The following PSD3 variants were observed in gnomAD, a reference collection of about 807,000 sequenced individuals.
PSD3 encodes the protein PH and SEC7 domain-containing protein 3.
A neutral mutation model predicts 105.5 loss-of-function variants in PSD3; 49 were observed. The ratio of observed to expected loss-of-function variants is 0.46; its 90% CI spans 0.37 to 0.59. PSD3 has a LOEUF of 0.59. Among genes scored for constraint, PSD3 ranks in the 20% least tolerant of loss-of-function variants. The pLI, the probability that PSD3 is intolerant of heterozygous loss-of-function variation, is 0.00. For synonymous variants in PSD3, 557 were observed against 457.8 expected (o/e 1.22, Z -2.77); for missense variants, 1,561 against 1,263.8 (o/e 1.24, Z -3.57).
chr8:18,628,512 G>A (rs188287566), intron 11 of PSD3, among the ~76,000 whole-genome samples: 155 of 151,910 alleles, frequency 1.0e-3, no homozygotes, highest in African/African-American at 3.7e-3. Context: ...AAATTAAGGT[G>A]AAAATAAAGA....
At chr8:19,008,071 T>C (rs966252861) in intron 1 of PSD3, among the ~76,000 whole-genome samples, 3 of 152,056 alleles carry the variant, frequency 2.0e-5, no homozygotes, top group African/African-American at 7.2e-5. Context: ...TCAACTCCGC[T>C]GACCTCAGGC....
In PSD3 at chr8:18,974,995, G is replaced by A. The variant is rs182878829; in HGVS notation, c.21+38568C>T. 5.3e-5 allele frequency among the ~76,000 whole-genome samples: 8 copies of A among 152,250 alleles called. No individual in the cohort carries two copies. The East Asian group carries it at 7.7e-4, about 15-fold the overall frequency. On this transcript the variant is annotated intron_variant, in intron 1 of 15. Transcript: ENST00000327040. The stretch of plus-strand genomic sequence containing the variant: ...ATGGCATTGGAGAAAGAGAAAAAGC[G>A]ACATTCTAAGTACCAGAGTATGAAA...
chr8:18,554,318 T>C (rs1210525755), intron 15 of PSD3, among the ~76,000 whole-genome samples: 1 of 152,226 alleles, frequency 6.6e-6, no homozygotes, highest in East Asian at 1.9e-4. Context: ...TTTTGAGAAC[T>C]CCCATTTCCC....
intron 12 of PSD3, among the ~76,000 whole-genome samples, chr8:18,595,299 A>G (rs1804008813): frequency 6.6e-6 from 1 of 151,308 alleles, no homozygotes; most frequent in African/African-American, 2.4e-5. Context: ...AAAAAAAAGG[A>G]ATACTAATAA....
chr8:18,916,219 T>A (rs1820572579), intron 2 of PSD3, among the ~76,000 whole-genome samples: 1 of 150,374 alleles, frequency 6.7e-6, no homozygotes, highest in South Asian at 2.1e-4. Flanking sequence ...CCCATATTCT[T>A]TGCAGCTTTA....
At chr8:18,688,501 G>C (rs952396306) in intron 9 of PSD3, among the ~76,000 whole-genome samples, 1 of 152,168 alleles carries the variant, frequency 6.6e-6, no homozygotes, top group Admixed American at 6.5e-5. Flanking sequence ...TCGAGCATGT[G>C]AATGTATCAT....
intron 15 of PSD3, among the ~76,000 whole-genome samples, chr8:18,552,908 T>G (rs2130105734): frequency 1.3e-5 from 2 of 152,288 alleles, no homozygotes; most frequent in Middle Eastern, 3.4e-3. Flanking sequence ...TGAACCTCTT[T>G]TCTAACAGGC....
In PSD3 at chr8:18,572,630, A is replaced by G. The variant is rs913973765; in HGVS notation, c.2682T>C (p.Cys894=). ...GTGGTGCAGAAAATACAGCTGCCACACAATTGATTTTGTTTATCCACCCTT... is the reference window on the plus strand; with the variant it reads ...GTGGTGCAGAAAATACAGCTGCCACGCAATTGATTTTGTTTATCCACCCTT... ...EMQGWINKIN[C]VAAVFSAPPF... Residue 894 remains cysteine (C), a synonymous_variant, in exon 14 of 16, where the codon TGT becomes TGC. Coordinates refer to ENST00000327040, the MANE Select transcript of PSD3 (RefSeq NM_015310.4). 2 of 1,613,966 alleles carry G rather than the reference A, an allele frequency of 1.2e-6. No individual in the cohort carries two copies. Among genetic ancestry groups the G allele is most frequent in the African/African-American group, 1.3e-5 (1 of 74,934 alleles).
At chr8:18,970,324 C>CAAAAAAAAAAAAAAAAAAAAAAAAA (rs11450922) in intron 1 of PSD3, among the ~76,000 whole-genome samples, 14 of 45,302 alleles carry the variant, frequency 3.1e-4, no homozygotes, top group East Asian at 7.6e-4. Context: ...GACTCTGCCT[C>CAAAAAAAAAAAAAAAAAAAAAAAAA]AAAAAAAAAA....
In PSD3 at chr8:19,072,260, C is replaced by G. The variant is rs139099093; in HGVS notation, c.324+11946G>C. 8.6e-3 allele frequency among the ~76,000 whole-genome samples: 1,301 copies of G among 151,794 alleles called. 48 individuals carry two copies. The highest frequency in any genetic ancestry group is 0.066 in the Admixed American group (1,010 of 15,218). On this transcript the variant is annotated intron_variant, in intron 1 of 1. Transcript: ENST00000521475. ...TGGGTTACAGGTGCCCGCCACCACG[C>G]CCAGCTAACTTTCTAGTGATTTCAC...
chr8:18,826,018 G>A (rs535198029), intron 4 of PSD3, among the ~76,000 whole-genome samples: 37 of 152,286 alleles, frequency 2.4e-4, no homozygotes, highest in African/African-American at 8.7e-4. Context: ...GAGTAAAGCG[G>A]ATGGCCCTCC....
intron 4 of PSD3, among the ~76,000 whole-genome samples, chr8:18,813,499 G>A (rs888261695): frequency 1.3e-5 from 2 of 152,194 alleles, no homozygotes; most frequent in Non-Finnish European, 2.9e-5. Flanking sequence ...GAACACCAAA[G>A]TGCGCCAAAG....
At chr8:18,907,493 A>C (rs1261828410) in intron 2 of PSD3, among the ~76,000 whole-genome samples, 1 of 152,062 alleles carries the variant, frequency 6.6e-6, no homozygotes, top group Non-Finnish European at 1.5e-5. Context: ...TTTCTATTGC[A>C]TTTTTATTGT....
intron 1 of PSD3, among the ~76,000 whole-genome samples, chr8:18,999,004 G>A (rs967114550): frequency 1.3e-5 from 2 of 151,892 alleles, no homozygotes; most frequent in Non-Finnish European, 2.9e-5. Flanking sequence ...TCTTCCAGGT[G>A]AAAGGAAAGC....
intron 1 of PSD3, among the ~76,000 whole-genome samples, chr8:19,052,390 T>A (rs1828559475): frequency 6.6e-6 from 1 of 150,894 alleles, no homozygotes; most frequent in Non-Finnish European, 1.5e-5. Context: ...GAGAATCACT[T>A]GAACCCAGGA....
chr8:18,809,862 C>A (rs949680044), intron 4 of PSD3, among the ~76,000 whole-genome samples: 1 of 151,598 alleles, frequency 6.6e-6, no homozygotes, highest in African/African-American at 2.4e-5. Context: ...ACAAAAAAAA[C>A]AAAACAAAAA....
intron 1 of PSD3, among the ~76,000 whole-genome samples, chr8:18,937,940 A>T (rs1173112248): frequency 6.6e-6 from 1 of 152,156 alleles, no homozygotes; most frequent in Non-Finnish European, 1.5e-5. Flanking sequence ...AAGGAATGGA[A>T]GGATGGATGA....
chr8:18,771,227 G>T (rs1301061388), intron 8 of PSD3, among the ~76,000 whole-genome samples: 2 of 152,196 alleles, frequency 1.3e-5, no homozygotes, highest in Non-Finnish European at 2.9e-5. Context: ...AATCAGGGAT[G>T]TAAGTTCTCA....
intron 1 of PSD3, among the ~76,000 whole-genome samples, chr8:19,074,938 G>A (rs1044958164): frequency 2.1e-5 from 3 of 144,016 alleles, no homozygotes; most frequent in African/African-American, 7.6e-5. Flanking sequence ...AAATACTTTT[G>A]AAAATTAATT....
Sources: gnomAD v4.1 joint callset for allele counts (sites outside exome capture counted in the v4.1 genomes callset) on GRCh38, gnomAD v4.1.1 for gene constraint, MANE v1.5 for transcripts, NCBI Gene and HGNC (gene_info 2026-07-23, HGNC 2026-07-21) for gene names.